The following GNAT3 variants were observed in gnomAD, a reference collection of about 807,000 sequenced individuals.
The protein encoded by GNAT3 is G protein subunit alpha transducin 3.
A neutral mutation model predicts 37.7 loss-of-function variants in GNAT3; 31 were observed. The ratio of observed to expected loss-of-function variants is 0.82; its 90% CI spans 0.62 to 1.11. The LOEUF is 1.11. GNAT3 is among the 50% of genes most tolerant of loss of function. The pLI is 0.00. For synonymous variants in GNAT3, 138 were observed against 139.8 expected (o/e 0.99, Z 0.09); for missense variants, 437 against 412.5 (o/e 1.06, Z -0.51).
At chr7:80,497,197 C>A (rs149244057) in intron 1 of GNAT3, among the ~76,000 whole-genome samples, 1 of 152,050 alleles carries the variant, frequency 6.6e-6, no homozygotes, top group African/African-American at 2.4e-5. Flanking sequence ...GGCTGCAATG[C>A]CCAAGAATGA....
intron 5 of GNAT3, among the ~76,000 whole-genome samples, chr7:80,463,714 T>C (rs893615924): frequency 2.0e-5 from 3 of 151,860 alleles, no homozygotes; most frequent in African/African-American, 7.3e-5. Context: ...TCCTAGTTCC[T>C]GGCACCATGC....
intron 7 of GNAT3, 94 bp from the exon 8 acceptor site, chr7:80,458,955 T>C (rs1041422478): frequency 1.2e-6 from 1 of 851,070 alleles, no homozygotes; most frequent in African/African-American, 1.8e-5. Flanking sequence ...GATTTTACTT[T>C]GATATACAAA....
chr7:80,469,821 C>T (rs1168500065), intron 5 of GNAT3, among the ~76,000 whole-genome samples: 1 of 151,924 alleles, frequency 6.6e-6, no homozygotes, highest in Non-Finnish European at 1.5e-5. Context: ...ACTCTAAAAC[C>T]CTGTGCACTT....
chr7:80,458,716 T>G lies in GNAT3; in HGVS notation c.1020A>C (p.Thr340=). 6.3e-7 allele frequency: 1 copy of G among 1,595,536 alleles called. No homozygotes were observed. Among genetic ancestry groups the G allele is most frequent in the East Asian group, 2.2e-5 (1 of 44,476 alleles). Residue 340 remains threonine (T), a synonymous_variant, in exon 8 of 8, where the codon ACA becomes ACC. Coordinates refer to ENST00000398291, the MANE Select transcript of GNAT3 (RefSeq NM_001102386.3). ...TTAGATTCTCTTTGATTATTATATCTGTAACTGCGTCAAACACAAACTTGA... is the reference window on the plus strand; with the variant it reads ...TTAGATTCTCTTTGATTATTATATCGGTAACTGCGTCAAACACAAACTTGA... ...QNVKFVFDAV[T]DIIIKENLKD... is the part of the protein sequence containing the mutation.
chr7:80,491,292 C>T (rs564667110), intron 2 of GNAT3, among the ~76,000 whole-genome samples: 74 of 152,124 alleles, frequency 4.9e-4, no homozygotes, highest in Non-Finnish European at 8.5e-4. Flanking sequence ...AATTTTAGGG[C>T]GATAGAGGCC....
At chr7:80,495,123 G>C (rs1790691488) in intron 1 of GNAT3, among the ~76,000 whole-genome samples, 6 of 151,624 alleles carry the variant, frequency 4.0e-5, no homozygotes, top group Admixed American at 3.9e-4. Context: ...GATTTTCTCT[G>C]TCCAATTTTC....
intron 1 of GNAT3, among the ~76,000 whole-genome samples, chr7:80,502,591 TATAAA>T (rs1211810430): frequency 6.6e-6 from 1 of 151,982 alleles, no homozygotes; most frequent in Non-Finnish European, 1.5e-5. Flanking sequence ...CAAAGGAAAA[TATAAA>T]ATAAGGAAAA....
At chr7:80,468,562 T>C (rs190937928) in intron 5 of GNAT3, among the ~76,000 whole-genome samples, 2 of 152,242 alleles carry the variant, frequency 1.3e-5, no homozygotes, top group Non-Finnish European at 2.9e-5. Flanking sequence ...GCAGTTGTTA[T>C]AATTTCTCAT....
At chr7:80,482,614 A>G (rs1050166119) in intron 3 of GNAT3, among the ~76,000 whole-genome samples, 7 of 151,408 alleles carry the variant, frequency 4.6e-5, no homozygotes, top group African/African-American at 1.7e-4. Context: ...CCCACTTTCA[A>G]GCGATTCTCC....
chr7:80,503,342 A>G (rs770658207), intron 1 of GNAT3, among the ~76,000 whole-genome samples: 2 of 152,220 alleles, frequency 1.3e-5, no homozygotes, highest in Non-Finnish European at 2.9e-5. Flanking sequence ...TTGTTCTCAT[A>G]GAAATTAGAA....
At chr7:80,461,783 C>T (rs1790054700) in intron 7 of GNAT3, among the ~76,000 whole-genome samples, 1 of 152,064 alleles carries the variant, frequency 6.6e-6, no homozygotes, top group Non-Finnish European at 1.5e-5. Flanking sequence ...ATTGAAGAGC[C>T]TCTGAGATCT....
chr7:80,466,992 C>T (rs1392352390), intron 5 of GNAT3, among the ~76,000 whole-genome samples: 1 of 152,136 alleles, frequency 6.6e-6, no homozygotes, highest in African/African-American at 2.4e-5. Context: ...TTATGTTCCT[C>T]ATAACAATTC....
At chr7:80,493,276 A>G (rs1790629063) in intron 2 of GNAT3, among the ~76,000 whole-genome samples, 1 of 152,178 alleles carries the variant, frequency 6.6e-6, no homozygotes, top group Non-Finnish European at 1.5e-5. Flanking sequence ...TTATAAATGA[A>G]TGCCAGATGA....
chr7:80,485,287 T>C (rs1015263051), intron 3 of GNAT3, among the ~76,000 whole-genome samples: 2 of 152,080 alleles, frequency 1.3e-5, no homozygotes, highest in African/African-American at 4.8e-5. Flanking sequence ...TTATATGCCA[T>C]AGTATAATGG....
chr7:80,461,283 C>A (rs926264005), intron 7 of GNAT3, among the ~76,000 whole-genome samples: 1 of 151,992 alleles, frequency 6.6e-6, no homozygotes, highest in Non-Finnish European at 1.5e-5. Flanking sequence ...TGCAATGGCT[C>A]ACACCTGTAA....
intron 3 of GNAT3, among the ~76,000 whole-genome samples, chr7:80,484,102 G>A (rs111291592): frequency 0.018 from 2,757 of 152,100 alleles, 79 homozygotes; most frequent in African/African-American, 0.063. Flanking sequence ...TTAAGATTGT[G>A]TAACTTTGGG....
Position 80,458,932 on chromosome 7 carries a change from C to A in GNAT3, c.875-71G>T, listed in dbSNP as rs546134802. 31 of 1,055,172 alleles carry A rather than the reference C, an allele frequency of 2.9e-5. 1 individual carries two copies. The South Asian group carries it at 4.9e-4, about 17-fold the overall frequency. 65.4% of individuals were successfully genotyped at this position (1,055,172 alleles called of 1,614,324 possible). On this transcript the variant is annotated intron_variant, in intron 7 of 7. Coordinates refer to ENST00000398291, the MANE Select transcript of GNAT3 (RefSeq NM_001102386.3). ...ACAAAGAATAGGCTATAAATAATATCAGCAAATTTTAGGATTTTACTTTGA... is the reference window on the plus strand; with the variant it reads ...ACAAAGAATAGGCTATAAATAATATAAGCAAATTTTAGGATTTTACTTTGA...
In GNAT3 at chr7:80,461,207, C is replaced by T. The variant is rs191436195; in HGVS notation, c.874+952G>A. 1.3e-3 allele frequency among the ~76,000 whole-genome samples: 198 copies of T among 152,166 alleles called. 1 individual carries two copies. Among genetic ancestry groups the T allele is most frequent in the South Asian group, 9.6e-3 (46 of 4,812 alleles). ...TGCCATGGTCCTAGTAACATCTGGG[C>T]AACCTTACGCACCTAAGTGGTAAAA... is the stretch of plus-strand genomic sequence containing the variant. On this transcript the variant is annotated intron_variant, in intron 7 of 7. Transcript: ENST00000398291.
rs537954618 is a variant in GNAT3 at position 80,459,824 on chromosome 7, C to T, written c.875-963G>A. Among the ~76,000 whole-genome samples the T allele has an allele frequency of 5.9e-4, 90 of 152,170 alleles. 3 individuals are homozygous for T. Among genetic ancestry groups the T allele is most frequent in the African/African-American group, 2.1e-3 (88 of 41,522 alleles). ...AAAGCCATATAACATGGCTAAAATC[C>T]AAAACACTGGCAATACCAAATTCTG... On this transcript the variant is annotated intron_variant, in intron 7 of 7. Coordinates refer to ENST00000398291, the MANE Select transcript of GNAT3 (RefSeq NM_001102386.3).
Sources: allele counts gnomAD v4.1 joint callset (sites outside exome capture counted in the v4.1 genomes callset), GRCh38; gene constraint gnomAD v4.1.1; transcripts MANE v1.5; gene names NCBI Gene and HGNC (gene_info 2026-07-23, HGNC 2026-07-21).